Variants in ADCY7 observed in about 807,000 individuals in gnomAD.
ADCY7 encodes adenylate cyclase 7.
ADCY7 carries 72 observed loss-of-function variants against 120.6 expected under a neutral mutation model. That is an observed-to-expected ratio of 0.60 (90% CI 0.49 to 0.73). The LOEUF (loss-of-function observed/expected upper bound fraction) is 0.73. Ranked by LOEUF, ADCY7 falls within the 30% of genes least tolerant of loss-of-function variation. The probability of loss-of-function intolerance (pLI) is 0.00; values close to 1 mark genes in which losing one functional copy is unlikely to be tolerated. For synonymous variants in ADCY7, 661 were observed against 628.0 expected (o/e 1.05, Z -0.78); for missense variants, 1,227 against 1,486.0 (o/e 0.83, Z 2.87).
rs765543604 is a variant in ADCY7 at position 50,292,808 on chromosome 16, A to T, written c.670A>T (p.Ile224Phe). 2.5e-6 allele frequency: 4 copies of T among 1,613,594 alleles called. No homozygotes were observed. In the South Asian group the frequency reaches 4.4e-5, roughly 18 times the overall value. Residue 224 changes from isoleucine to phenylalanine, a missense_variant, in exon 5 of 26, where the codon ATC becomes TTC. Transcript: ENST00000673801. ...CATCCAGATCCGCCGGAAGCTGCGC[A>T]TCGAGAAGCGCCAGCAGGTGGGACC... ...KCIQIRRKLR[I>F]EKRQQENLLL...
In ADCY7 at chr16:50,299,049, C is replaced by T. The variant is rs751575520; in HGVS notation, c.1076+18C>T. ...GCCATCAAGTAGGTCCTGGGCGGGC[C>T]CAGGCCCTGGGTCCTGCCCTGTGGC... is the stretch of plus-strand genomic sequence containing the variant. On this transcript the variant is annotated intron_variant, in intron 8 of 25. Coordinates refer to ENST00000673801, the MANE Select transcript of ADCY7 (RefSeq NM_001114.5). 5 of 1,601,274 alleles carry T rather than the reference C, an allele frequency of 3.1e-6. No individual in the cohort carries two copies. The Admixed American group carries it at 6.7e-5, about 22-fold the overall frequency.
intron 24 of ADCY7, 148 bp from the exon 25 acceptor site, chr16:50,314,866 C>G: frequency 1.8e-6 from 2 of 1,086,370 alleles, no homozygotes; most frequent in Non-Finnish European, 2.7e-6. Flanking sequence ...CCGACTGCAA[C>G]GCAGTGACTC....
At position 50,269,158 on chromosome 16, in the gene ADCY7, G is replaced by A. The variant is rs569215774; in HGVS notation, c.-269+2478G>A. On this transcript the variant is annotated intron_variant, in intron 1 of 25. Transcript: ENST00000673801. ...TGACCCATTCCCCACCTCCTCCACC[G>A]CTCCATATGGTAGGTGCCGTTCACC... 1.1e-3 allele frequency among the ~76,000 whole-genome samples: 165 copies of A among 152,300 alleles called. 1 individual carries two copies. Among genetic ancestry groups the A allele is most frequent in the African/African-American group, 3.8e-3 (160 of 41,576 alleles).
At position 50,305,517 on chromosome 16, in the gene ADCY7, A is replaced by G; in HGVS notation, c.1610A>G (p.Lys537Arg). 1 of 1,612,494 alleles carries G rather than the reference A, an allele frequency of 6.2e-7. No individual in the cohort carries two copies. The highest frequency in any genetic ancestry group is 1.3e-5 in the African/African-American group (1 of 75,032). ...TCTGATTCCAGAAGCATGTCCCCCA[A>G]GGGGCGGTCGGAGGATGACTCGTAC... ...RRTPDRSMSP[K>R]GRSEDDSYDD... Residue 537 changes from lysine (K) to arginine (R), a missense_variant, in exon 13 of 26, where the codon AAG becomes AGG. Lys to Arg is a conservative substitution (Grantham distance 26, BLOSUM62 2). Around this residue, in one of 5 missense-constraint regions of ADCY7, gnomAD observed 332 missense variants for 455.8 expected, o/e 0.73. Coordinates refer to ENST00000673801, the MANE Select transcript of ADCY7 (RefSeq NM_001114.5).
rs1193976892 is a variant in ADCY7, at chr16:50,288,192, G to T, written c.13G>T (p.Gly5Trp). Residue 5 changes from glycine to tryptophan, a missense_variant, in exon 2 of 26, where the codon GGG becomes TGG. Transcript: ENST00000673801. ...CCAAGGGTGGAGGATGCCAGCCAAG[G>T]GGCGCTACTTCCTCAACGAGGGCGA... MPAK[G>W]RYFLNEGEEG... 2.6e-6 allele frequency: 4 copies of T among 1,549,676 alleles called. No individual in the cohort carries two copies. Among genetic ancestry groups the T allele is most frequent in the Non-Finnish European group, 3.5e-6 (4 of 1,146,106 alleles).
At chr16:50,291,613 G>C (rs373606107) in intron 3 of ADCY7, 123 bp from the exon 4 acceptor site, 1 of 1,058,090 alleles carries the variant, frequency 9.5e-7, no homozygotes, top group African/African-American at 1.6e-5. Flanking sequence ...GCCCACGCAG[G>C]GGGTGGCGAG....
chr16:50,307,290 G>A (rs2036134855), intron 15 of ADCY7, 143 bp downstream of exon 15: 1 of 696,812 alleles, frequency 1.4e-6, no homozygotes, highest in Non-Finnish European at 2.4e-6. Context: ...GGCTGTGGCA[G>A]CACACCTTGA....
intron 1 of ADCY7, among the ~76,000 whole-genome samples, chr16:50,247,951 C>G (rs111437398): frequency 1.5e-3 from 233 of 152,272 alleles, no homozygotes; most frequent in African/African-American, 5.2e-3. Flanking sequence ...TCCCAGGGAG[C>G]CCTCCAATTT....
chr16:50,275,268 C>T (rs1381699491), intron 1 of ADCY7, among the ~76,000 whole-genome samples: 1 of 152,220 alleles, frequency 6.6e-6, no homozygotes, highest in Non-Finnish European at 1.5e-5. Flanking sequence ...CCCGCCAGCA[C>T]CTGCAACCTT....
intron 1 of ADCY7, among the ~76,000 whole-genome samples, chr16:50,278,275 A>C (rs1280817393): frequency 6.6e-6 from 1 of 152,152 alleles, no homozygotes; most frequent in African/African-American, 2.4e-5. Context: ...TCCTGGCCTC[A>C]TGTGATCTGC....
intron 1 of ADCY7, among the ~76,000 whole-genome samples, chr16:50,247,816 TC>T (rs1414181200): frequency 6.6e-6 from 1 of 152,162 alleles, no homozygotes; most frequent in African/African-American, 2.4e-5. Flanking sequence ...TCGTTCGGGA[TC>T]CCCAGGTGCT....
chr16:50,250,741 A>G (rs141912161), intron 1 of ADCY7, among the ~76,000 whole-genome samples: 11 of 152,306 alleles, frequency 7.2e-5, no homozygotes, highest in South Asian at 2.1e-4. Context: ...TATTGTATCA[A>G]CATTAAATGA....
intron 1 of ADCY7, among the ~76,000 whole-genome samples, chr16:50,280,443 A>G (rs1411859060): frequency 2.7e-5 from 4 of 147,886 alleles, no homozygotes; most frequent in Non-Finnish European, 5.9e-5. Context: ...GATTTTCTTC[A>G]GTTCAGCTCT....
rs1471409920 is a variant in ADCY7, at chr16:50,270,213, AG to A, written c.-269+3534del. On this transcript the variant is annotated intron_variant, in intron 1 of 25. Coordinates refer to ENST00000673801, the MANE Select transcript of ADCY7 (RefSeq NM_001114.5). ...TAGATAGATAGATAGATAGATAGAT[AG>A]ATAGATAGATAGATAAACAGATAGA... Among the ~76,000 whole-genome samples the A allele has an allele frequency of 2.4e-3, 372 of 152,170 alleles. 1 individual carries two copies. The highest frequency in any genetic ancestry group is 8.5e-3 in the African/African-American group (353 of 41,494).
rs1488612179 is a variant in ADCY7 at position 50,288,170 on chromosome 16, A to G, written c.-10A>G. ...CGGCCCCTTAACGACACGCGTGCCAAGGGTGGAGGATGCCAGCCAAGGGGC... is the reference window on the plus strand; with the variant it reads ...CGGCCCCTTAACGACACGCGTGCCAGGGGTGGAGGATGCCAGCCAAGGGGC... On this transcript the variant is annotated 5_prime_UTR_variant, in exon 2 of 26. Coordinates refer to ENST00000673801, the MANE Select transcript of ADCY7 (RefSeq NM_001114.5). 5 of 1,542,472 alleles carry G rather than the reference A, an allele frequency of 3.2e-6. No individual in the cohort carries two copies. The highest frequency in any genetic ancestry group is 4.4e-6 in the Non-Finnish European group (5 of 1,141,964).
chr16:50,306,290 G>C (rs918419194), intron 14 of ADCY7, among the ~76,000 whole-genome samples: 4 of 150,234 alleles, frequency 2.7e-5, no homozygotes, highest in Non-Finnish European at 5.9e-5. Context: ...AGCATCCTCG[G>C]CACCCACATT....
chr16:50,290,308 GGTGA>G, intron 2 of ADCY7, 145 bp from the exon 3 acceptor site: 1 of 809,256 alleles, frequency 1.2e-6, no homozygotes. Flanking sequence ...AAGGCCAGAA[GGTGA>G]GTGGGAACCA....
At position 50,288,093 on chromosome 16, in the gene ADCY7, C is replaced by CG; in HGVS notation, c.-82dup. 1.4e-6 allele frequency: 2 copies of CG among 1,442,340 alleles called. No homozygotes were observed. The highest frequency in any genetic ancestry group is 1.8e-6 in the Non-Finnish European group (2 of 1,086,232). 89.3% of individuals were successfully genotyped at this position (1,442,340 alleles called of 1,614,324 possible). ...CGGAGAGGACAGAGGCCTAGGCCCA[C>CG]GGGGGAGGGTGTTGGCAGACAGATG... On this transcript the variant is annotated 5_prime_UTR_variant, in exon 2 of 26. Transcript: ENST00000673801.
At chr16:50,287,855 T>C (rs929769983) in intron 1 of ADCY7, 57 bp from the exon 2 acceptor site, 1 of 314,162 alleles carries the variant, frequency 3.2e-6, no homozygotes, top group Non-Finnish European at 5.8e-6. Flanking sequence ...TCCCTGATGC[T>C]AGCCCTCCCC....
Sources: allele counts gnomAD v4.1 joint callset (sites outside exome capture counted in the v4.1 genomes callset), GRCh38; gene constraint gnomAD v4.1.1; regional missense constraint gnomAD v4.1.1; transcripts MANE v1.5; gene names NCBI Gene and HGNC (gene_info 2026-07-23, HGNC 2026-07-21).